SLC40A1: variants seen among roughly 807,000 people sequenced by gnomAD.
SLC40A1 encodes the protein ferroportin.
Under a neutral mutation model 53.5 loss-of-function variants are expected in SLC40A1, and 16 were observed. The ratio of observed to expected loss-of-function variants is 0.30; its 90% CI spans 0.20 to 0.45. The LOEUF (loss-of-function observed/expected upper bound fraction) is 0.45. SLC40A1 is among the 20% of genes least tolerant of loss of function. The pLI, the probability that SLC40A1 is intolerant of heterozygous loss-of-function variation, is 1.00. For synonymous variants in SLC40A1, 247 were observed against 253.2 expected (o/e 0.98, Z 0.23); for missense variants, 545 against 695.4 (o/e 0.78, Z 2.43).
At chr2:189,572,274 A>G (rs1283020729) in intron 4 of SLC40A1, among the ~76,000 whole-genome samples, 1 of 152,208 alleles carries the variant, frequency 6.6e-6, no homozygotes, top group African/African-American at 2.4e-5. Context: ...AATTTTTTCA[A>G]TAAAATGAAG....
At chr2:189,575,374 TG>T (rs1440494932) in intron 2 of SLC40A1, 54 bp from the exon 3 acceptor site, 9 of 1,594,626 alleles carry the variant, frequency 5.6e-6, no homozygotes, top group Non-Finnish European at 7.7e-6. Flanking sequence ...TCTAGTCTAT[TG>T]TACTCAGGAA....
In SLC40A1 at chr2:189,564,191, T is replaced by C. The variant is rs749234266; in HGVS notation, c.795A>G (p.Leu265=). 1 of 1,614,000 alleles carries C rather than the reference T, an allele frequency of 6.2e-7. No homozygotes were observed. Among genetic ancestry groups the C allele is most frequent in the Non-Finnish European group, 8.5e-7 (1 of 1,179,880 alleles). Residue 265 remains leucine, a synonymous_variant, in exon 7 of 8, where the codon CTA becomes CTG. Transcript: ENST00000261024. ...GGATGTTAGAGTCTTTCACACCCAT[T>C]AGATGAGTTCCCTCCAGGGGTTTTG... ...TEPKPLEGTH[L]MGVKDSNIHE... is the part of the protein sequence containing the mutation.
chr2:189,562,928 T>C (rs1043870426), intron 7 of SLC40A1, among the ~76,000 whole-genome samples: 1 of 152,156 alleles, frequency 6.6e-6, no homozygotes, highest in African/African-American at 2.4e-5. Flanking sequence ...AGTGTTGTCC[T>C]ATGGGAATAT....
intron 2 of SLC40A1, chr2:189,578,266 A>G: frequency 1.0e-6 from 1 of 1,000,908 alleles, no homozygotes; most frequent in Non-Finnish European, 1.2e-6. Flanking sequence ...AGCGGAAAGG[A>G]GTAAAAATCC....
intron 5 of SLC40A1, among the ~76,000 whole-genome samples, chr2:189,569,485 T>C (rs1217429814): frequency 6.6e-6 from 1 of 152,242 alleles, no homozygotes; most frequent in Non-Finnish European, 1.5e-5. Context: ...GAGTCCCTTC[T>C]AGATGTACTT....
In SLC40A1 at chr2:189,580,544, G is replaced by A. The variant is rs995432296; in HGVS notation, c.-84C>T. 4.4e-6 allele frequency: 7 copies of A among 1,606,992 alleles called. No individual in the cohort carries two copies. The highest frequency in any genetic ancestry group is 3.3e-5 in the Admixed American group (2 of 59,904). On this transcript the variant is annotated 5_prime_UTR_variant, in exon 1 of 8. Transcript: ENST00000261024. The stretch of plus-strand genomic sequence containing the variant: ...GAGGTGCTTGTTAACAGGAGTGCAA[G>A]GAACTGGAGATAGCACCTCTAAAAA...
At position 189,561,907 on chromosome 2, in the gene SLC40A1, C is replaced by G. The variant is rs764472349; in HGVS notation, c.1687G>C (p.Glu563Gln). The change falls in exon 8 of 8, where the codon GAA becomes CAA. Residue 563 changes from glutamate to glutamine, a missense_variant. Physicochemically the swap from Glu to Gln is conservative, Grantham distance 29. Around this residue, in one of 4 missense-constraint regions of SLC40A1, gnomAD observed 234 missense variants for 299.0 expected, o/e 0.78. Transcript: ENST00000261024. The stretch of plus-strand genomic sequence containing the variant: ...ACAACAGATGTATTTGCTTGATTTT[C>G]CTTCCTAACTTCTTTTGCATCAGGA... ...CGPDAKEVRKENQANTSVV is the reference protein window; with the variant it reads ...CGPDAKEVRKQNQANTSVV 8 of 1,614,124 alleles carry G rather than the reference C, an allele frequency of 5.0e-6. No homozygotes were observed. The highest frequency in any genetic ancestry group is 6.8e-6 in the Non-Finnish European group (8 of 1,180,004).
In SLC40A1 at chr2:189,580,757, G is replaced by A. The variant is rs1481440307; in HGVS notation, c.-297C>T. ...GTCGTCCGAGCCTAGCGGACGCCCTGAGCCAGCTCTCTCCGCCGCCGCCGC... is the reference window on the plus strand; with the variant it reads ...GTCGTCCGAGCCTAGCGGACGCCCTAAGCCAGCTCTCTCCGCCGCCGCCGC... On this transcript the variant is annotated 5_prime_UTR_variant, in exon 1 of 8. Coordinates refer to ENST00000261024, the MANE Select transcript of SLC40A1 (RefSeq NM_014585.6). 1.4e-5 allele frequency: 19 copies of A among 1,322,598 alleles called. No homozygotes were observed. The highest frequency in any genetic ancestry group is 1.1e-4 in the South Asian group (7 of 65,988). 81.9% of individuals were successfully genotyped at this position (1,322,598 alleles called of 1,614,324 possible).
At chr2:189,562,281 T>C in intron 7 of SLC40A1, 90 bp from the exon 8 acceptor site, 1 of 1,006,498 alleles carries the variant, frequency 9.9e-7, no homozygotes, top group Non-Finnish European at 1.5e-6. Context: ...ATATGCAAAA[T>C]ATACATTTTA....
rs201020895 is a variant in SLC40A1, at chr2:189,572,055, TC to T, written c.388-215del. ...GTCCTAACCTGTATCATCTAGATCA[TC>T]TGTAGTACACATAATACAAAAATTA... On this transcript the variant is annotated intron_variant, in intron 4 of 7. Coordinates refer to ENST00000261024, the MANE Select transcript of SLC40A1 (RefSeq NM_014585.6). Among the ~76,000 whole-genome samples the T allele has an allele frequency of 2.2e-3, 340 of 152,322 alleles. 10 individuals carry two copies. In the East Asian group the frequency reaches 0.054, roughly 24 times the overall value.
chr2:189,580,451 C>A lies in SLC40A1; in HGVS notation c.10G>T (p.Ala4Ser). 1 of 1,613,850 alleles carries A rather than the reference C, an allele frequency of 6.2e-7. No homozygotes were observed. The highest frequency in any genetic ancestry group is 8.5e-7 in the Non-Finnish European group (1 of 1,180,032). ...CCTCTCTGGCGGTTGTGATCTCCCG[C>A]CCTGGTCATGACACTAGGCGACCCC... MTR[A>S]GDHNRQRGCC... is the part of the protein sequence containing the mutation. Residue 4 changes from alanine to serine, a missense_variant, in exon 1 of 8, where the codon GCG becomes TCG. Around this residue, in one of 4 missense-constraint regions of SLC40A1, gnomAD observed 197 missense variants for 278.8 expected, o/e 0.71. Coordinates refer to ENST00000261024, the MANE Select transcript of SLC40A1 (RefSeq NM_014585.6).
intron 2 of SLC40A1, among the ~76,000 whole-genome samples, chr2:189,576,091 A>G (rs1425486965): frequency 6.6e-6 from 1 of 152,218 alleles, no homozygotes; most frequent in Non-Finnish European, 1.5e-5. Context: ...ATTACCGTGA[A>G]ATGTGATTTA....
rs542232580 is a variant in SLC40A1 at position 189,573,650 on chromosome 2, C to T, written c.272-689G>A. Among the ~76,000 whole-genome samples the T allele has an allele frequency of 9.2e-5, 14 of 152,282 alleles. No individual in the cohort carries two copies. The South Asian group carries it at 1.0e-3, about 11-fold the overall frequency. On this transcript the variant is annotated intron_variant, in intron 3 of 7. Coordinates refer to ENST00000261024, the MANE Select transcript of SLC40A1 (RefSeq NM_014585.6). ...AGGGCAGGATACCTAACATCTCTTACGCCTGCGTCTAGAAGGTGAGAATGG... is the reference window on the plus strand; with the variant it reads ...AGGGCAGGATACCTAACATCTCTTATGCCTGCGTCTAGAAGGTGAGAATGG...
At chr2:189,562,242 T>C (rs1559009623) in intron 7 of SLC40A1, 51 bp from the exon 8 acceptor site, 2 of 1,379,762 alleles carry the variant, frequency 1.4e-6, no homozygotes, top group Middle Eastern at 5.0e-4. Flanking sequence ...CAGGCATACA[T>C]TTCAAATCAC....
At chr2:189,580,324 G>T in intron 1 of SLC40A1, 94 bp downstream of exon 1, 1 of 1,244,126 alleles carries the variant, frequency 8.0e-7, no homozygotes, top group Non-Finnish European at 1.2e-6. Flanking sequence ...ATGGTTCACA[G>T]CAGAGCCACA....
At chr2:189,565,296 A>T in intron 6 of SLC40A1, 58 bp downstream of exon 6, 4 of 1,605,608 alleles carry the variant, frequency 2.5e-6, no homozygotes, top group Non-Finnish European at 2.6e-6. Flanking sequence ...TTTGATCTTC[A>T]CCAACATTTA....
chr2:189,577,371 T>C (rs1222272963), intron 2 of SLC40A1, among the ~76,000 whole-genome samples: 1 of 152,082 alleles, frequency 6.6e-6, no homozygotes, highest in Non-Finnish European at 1.5e-5. Context: ...TGAGGAAATA[T>C]AAAGTAGGAT....
Position 189,580,552 on chromosome 2 carries a change from A to G in SLC40A1, c.-92T>C. 1 of 1,605,184 alleles carries G rather than the reference A, an allele frequency of 6.2e-7. No individual in the cohort carries two copies. On this transcript the variant is annotated 5_prime_UTR_variant, in exon 1 of 8. Transcript: ENST00000261024. ...TGTTAACAGGAGTGCAAGGAACTGG[A>G]GATAGCACCTCTAAAAACACAACAG...
intron 5 of SLC40A1, among the ~76,000 whole-genome samples, chr2:189,566,495 A>G (rs1247107114): frequency 1.3e-5 from 2 of 152,210 alleles, no homozygotes. Flanking sequence ...GCAGAGAAGG[A>G]AGTGTGCTAA....
Sources: allele counts gnomAD v4.1 joint callset (sites outside exome capture counted in the v4.1 genomes callset), GRCh38; gene constraint gnomAD v4.1.1; regional missense constraint gnomAD v4.1.1; transcripts MANE v1.5; gene names NCBI Gene and HGNC (gene_info 2026-07-23, HGNC 2026-07-21).